The following RSPH14 variants were observed in gnomAD, a reference collection of about 807,000 sequenced individuals.
RSPH14 encodes the protein rhabdoid tumor deletion region gene 1.
Under a neutral mutation model 26.7 loss-of-function variants are expected in RSPH14, and 20 were observed. That is an observed-to-expected ratio of 0.75 (90% CI 0.53 to 1.09). RSPH14 has a LOEUF of 1.09. Ranked by LOEUF, RSPH14 falls within the 50% of genes least tolerant of loss-of-function variation. The pLI is 0.00. For synonymous variants in RSPH14, 177 were observed against 189.3 expected, an observed-to-expected ratio of 0.93 and a Z score of 0.53; for missense variants, 449 against 457.2, an observed-to-expected ratio of 0.98 and a Z score of 0.16.
chr22:23,107,193 A>AG (rs886412478), intron 4 of RSPH14, among the ~76,000 whole-genome samples: 1 of 152,172 alleles, frequency 6.6e-6, no homozygotes, highest in African/African-American at 2.4e-5. Flanking sequence ...GCATAGTTGC[A>AG]GGGGGGAGGG....
the RSPH14 span, chr22:23,161,624 CTG>C: frequency 2.1e-6 from 3 of 1,431,408 alleles, no homozygotes; most frequent in Non-Finnish European, 1.9e-6. Flanking sequence ...ATTTCCGTGA[CTG>C]TGGTGTGGAG....
At chr22:23,156,355 G>C in the RSPH14 span, 4 of 260,010 alleles carry the variant, frequency 1.5e-5, no homozygotes, top group Admixed American at 5.1e-5. Context: ...TGGACTCCAG[G>C]GGGAGGTCGG....
chr22:23,138,960 AAC>A lies in RSPH14; in HGVS notation c.200-20_200-19del, dbSNP rs987537912. On this transcript the variant is annotated intron_variant, in intron 2 of 6. Transcript: ENST00000216036. Reference sequence around the variant, plus strand: ...CATACAGCCTAGAAAAAAAAAAAAAAACAAACAAACCAACCCTTGAATTTTTG... The same window carrying A: ...CATACAGCCTAGAAAAAAAAAAAAAAAAACAAACCAACCCTTGAATTTTTG... 7.4e-5 allele frequency: 103 copies of A among 1,400,082 alleles called. No homozygotes were observed. The highest frequency in any genetic ancestry group is 6.3e-4 in the East Asian group (25 of 39,620). The allele number at this position is 1,400,082 out of a possible 1,614,324, so 86.7% of individuals were successfully genotyped here.
chr22:23,173,546 T>C, the RSPH14 span, among the ~76,000 whole-genome samples: 1 of 151,608 alleles, frequency 6.6e-6, no homozygotes, highest in Non-Finnish European at 1.5e-5. Flanking sequence ...GCTCAAGCAA[T>C]CCTTCCACCT....
At chr22:23,120,865 C>T (rs966767523) in intron 4 of RSPH14, among the ~76,000 whole-genome samples, 1 of 152,166 alleles carries the variant, frequency 6.6e-6, no homozygotes, top group African/African-American at 2.4e-5. Flanking sequence ...AGTGTTTGCT[C>T]AGTAAATTAA....
intron 4 of RSPH14, among the ~76,000 whole-genome samples, chr22:23,129,976 G>A (rs2070273001): frequency 6.8e-6 from 1 of 146,922 alleles, no homozygotes; most frequent in Non-Finnish European, 1.5e-5. Context: ...GGAAGAAAGA[G>A]AAAGAGACAA....
intron 4 of RSPH14, among the ~76,000 whole-genome samples, chr22:23,130,057 GAAAA>G (rs1156868854): frequency 1.6e-5 from 2 of 128,600 alleles, no homozygotes; most frequent in South Asian, 5.1e-4. Flanking sequence ...GAAAGAGAAA[GAAAA>G]AGAAAGAAAG....
At chr22:23,113,946 C>T (rs898017023) in intron 4 of RSPH14, among the ~76,000 whole-genome samples, 2 of 152,268 alleles carry the variant, frequency 1.3e-5, no homozygotes, top group African/African-American at 4.8e-5. Flanking sequence ...CCTCCAGCCA[C>T]ACCCTGCCCA....
chr22:23,092,959 G>A (rs2069026442), intron 4 of RSPH14, among the ~76,000 whole-genome samples: 1 of 152,222 alleles, frequency 6.6e-6, no homozygotes, highest in South Asian at 2.1e-4. Context: ...TGATGGTGCT[G>A]GTAGGGAGAA....
chr22:23,082,569 T>C (rs2068714493), intron 4 of RSPH14, among the ~76,000 whole-genome samples: 1 of 152,012 alleles, frequency 6.6e-6, no homozygotes, highest in Non-Finnish European at 1.5e-5. Context: ...GATCATTCCA[T>C]AATACTTGGA....
rs186193996 is a variant in RSPH14, at chr22:23,122,152, A to G, written c.421+11874T>C. On this transcript the variant is annotated intron_variant, in intron 4 of 6. Coordinates refer to ENST00000216036, the MANE Select transcript of RSPH14 (RefSeq NM_014433.3). Reference sequence around the variant, plus strand: ...CTTTTGCCAGCAGCAAATTCCAGGTAGTTACTCCTTTTAGAAGTTAGAATT... The same window carrying G: ...CTTTTGCCAGCAGCAAATTCCAGGTGGTTACTCCTTTTAGAAGTTAGAATT... Among the ~76,000 whole-genome samples, 3 of 152,342 alleles carry G rather than the reference A, an allele frequency of 2.0e-5. No homozygotes were observed. In the East Asian group the frequency reaches 5.8e-4, roughly 29 times the overall value.
chr22:23,167,884 G>A, the RSPH14 span, among the ~76,000 whole-genome samples: 4 of 151,778 alleles, frequency 2.6e-5, no homozygotes, highest in Admixed American at 6.6e-5. Context: ...ATGGGGTCTC[G>A]CATTGTTACC....
intron 4 of RSPH14, chr22:23,122,782 T>C (rs1454063971): frequency 2.3e-6 from 1 of 428,898 alleles, no homozygotes; most frequent in Non-Finnish European, 4.2e-6. Context: ...TAGGAGGCTG[T>C]GCTTGGCACA....
the RSPH14 span, chr22:23,152,338 C>A: frequency 1.6e-5 from 15 of 964,862 alleles, no homozygotes; most frequent in South Asian, 2.1e-4. Flanking sequence ...CAGGGTGGCC[C>A]ATCCTGTGTC....
the RSPH14 span, chr22:23,153,216 TC>T: frequency 1.9e-6 from 2 of 1,066,606 alleles, no homozygotes; most frequent in Non-Finnish European, 2.9e-6. Flanking sequence ...CTTCACTGTG[TC>T]CATGTCAAGG....
the RSPH14 span, among the ~76,000 whole-genome samples, chr22:23,171,858 A>C: frequency 1.5e-4 from 22 of 151,456 alleles, no homozygotes; most frequent in Non-Finnish European, 2.5e-4. Flanking sequence ...AAAAAAACAA[A>C]AAAAAAAAAA....
At chr22:23,153,213 G>A in the RSPH14 span, 3 of 1,081,716 alleles carry the variant, frequency 2.8e-6, no homozygotes, top group African/African-American at 4.7e-5. Context: ...CTCCTTCACT[G>A]TGTCCATGTC....
chr22:23,073,376 CG>C (rs1160582914), intron 4 of RSPH14, among the ~76,000 whole-genome samples: 17 of 152,362 alleles, frequency 1.1e-4, no homozygotes, highest in African/African-American at 4.1e-4. Flanking sequence ...GGCTATGCTG[CG>C]GCCTGGGCAG....
At chr22:23,150,293 C>CTTTTTTTTTTCTTT in the RSPH14 span, 1 of 489,390 alleles carries the variant, frequency 2.0e-6, no homozygotes, top group Non-Finnish European at 3.6e-6. Context: ...CTGGGGTTTT[C>CTTTTTTTTTTCTTT]TTTTTTTTTT....
Sources: gnomAD v4.1 joint callset for allele counts (sites outside exome capture counted in the v4.1 genomes callset) on GRCh38, gnomAD v4.1.1 for gene constraint, MANE v1.5 for transcripts, NCBI Gene and HGNC (gene_info 2026-07-23, HGNC 2026-07-21) for gene names.